The following LITAF variants were observed in gnomAD, a reference collection of about 807,000 sequenced individuals.
LITAF encodes the protein lipopolysaccharide induced TNF factor.
A neutral mutation model predicts 14.5 loss-of-function variants in LITAF; 9 were observed. The observed-to-expected ratio is 0.62, with a 90% CI of 0.37 to 1.08. LITAF has a LOEUF of 1.08. Among genes scored for constraint, LITAF ranks in the 50% least tolerant of loss-of-function variants. The probability of loss-of-function intolerance (pLI) is 0.01; values close to 1 mark genes in which losing one functional copy is unlikely to be tolerated. For missense variants in LITAF, 206 were observed against 213.4 expected, an observed-to-expected ratio of 0.97 and a Z score of 0.22; for synonymous variants, 98 against 88.2, an observed-to-expected ratio of 1.11 and a Z score of -0.62.
In LITAF at chr16:11,553,418, A is replaced by G; in HGVS notation, c.377+115T>C. ...AGAACCAGATTCCATCTCAAAAAAA[A>G]ACAACACAAATGTCTGGCCCTGAAT... On this transcript the variant is annotated intron_variant, in intron 3 of 3. Coordinates refer to ENST00000622633, the MANE Select transcript of LITAF (RefSeq NM_001136472.2). The surrounding 1 kb of genome is among the most constrained non-coding windows in gnomAD (Gnocchi z 7.7). The G allele has an allele frequency of 8.3e-7, 1 of 1,204,478 alleles. No homozygotes were observed. Among genetic ancestry groups the G allele is most frequent in the Non-Finnish European group, 1.2e-6 (1 of 845,642 alleles). 74.6% of individuals were successfully genotyped at this position (1,204,478 alleles called of 1,614,324 possible).
At chr16:11,588,521 G>GA (rs1213450078), upstream of LITAF, among the ~76,000 whole-genome samples, 432 of 81,974 alleles carry the variant, frequency 5.3e-3, 2 homozygotes, top group African/African-American at 0.019. Context: ...AAAAGAGAAA[G>GA]AAAAAAAAAA....
intron 1 of LITAF, among the ~76,000 whole-genome samples, chr16:11,597,512 G>A (rs2064897541): frequency 6.6e-6 from 1 of 152,142 alleles, no homozygotes; most frequent in Admixed American, 6.5e-5. Context: ...TACAGGCCCA[G>A]AGAGGTCAGG....
upstream of LITAF, chr16:11,587,069 C>G (rs1241650470): frequency 5.7e-6 from 1 of 174,454 alleles, no homozygotes; most frequent in Admixed American, 6.4e-5. Flanking sequence ...AGACCACCGC[C>G]GGTTCCCCGC....
chr16:11,599,256 T>G (rs773988557), upstream of LITAF, among the ~76,000 whole-genome samples: 1 of 151,938 alleles, frequency 6.6e-6, no homozygotes, highest in Non-Finnish European at 1.5e-5. Flanking sequence ...TAGCTGGGAT[T>G]ACAGGCATGC....
chr16:11,554,668 G>A (rs1396520073), intron 2 of LITAF, among the ~76,000 whole-genome samples: 1 of 151,452 alleles, frequency 6.6e-6, no homozygotes, highest in Non-Finnish European at 1.5e-5. Context: ...CGTGCCTGTA[G>A]TCCCAGCTAC....
chr16:11,602,193 C>G (rs1020287427), upstream of LITAF, among the ~76,000 whole-genome samples: 1 of 152,022 alleles, frequency 6.6e-6, no homozygotes, highest in Non-Finnish European at 1.5e-5. Context: ...CCTGTCTCTA[C>G]CAAAAATACA....
At chr16:11,637,034 A>G (rs368239281), upstream of LITAF, among the ~76,000 whole-genome samples, 56 of 152,072 alleles carry the variant, frequency 3.7e-4, no homozygotes, top group African/African-American at 1.3e-3. Context: ...CAGCGTGCTC[A>G]TCTGTAAAAG....
At position 11,613,658 on chromosome 16, in the gene LITAF, C is replaced by A. The variant is rs540756874; in HGVS notation, c.85+19875G>T. Among the ~76,000 whole-genome samples, 3 of 152,236 alleles carry A rather than the reference C, an allele frequency of 2.0e-5. No individual in the cohort carries two copies. The East Asian group carries it at 5.8e-4, about 29-fold the overall frequency. Reference sequence around the variant, plus strand: ...GAAGTGGCTCTTGTTGAAGGCTAAGCCAGAGTTAGGTGGGAGAGGAGCAGG... The same window carrying A: ...GAAGTGGCTCTTGTTGAAGGCTAAGACAGAGTTAGGTGGGAGAGGAGCAGG... On this transcript the variant is annotated intron_variant, in intron 3 of 3. Transcript: ENST00000574848.
chr16:11,593,354 CAAAAAAAAAAAA>C (rs57678584), intron 1 of LITAF, among the ~76,000 whole-genome samples: 5 of 54,752 alleles, frequency 9.1e-5, no homozygotes, highest in Non-Finnish European at 1.7e-4. Context: ...AACTCTGTCT[CAAAAAAAAAAAA>C]AAAAAAAAAA....
intron 3 of LITAF, among the ~76,000 whole-genome samples, chr16:11,608,989 A>AC (rs397762435): frequency 1.3e-5 from 2 of 150,732 alleles, no homozygotes; most frequent in African/African-American, 4.9e-5. Context: ...ACAAAAAAAA[A>AC]CGCACCGAGT....
chr16:11,589,506 G>C (rs2064835675), upstream of LITAF, among the ~76,000 whole-genome samples: 1 of 152,074 alleles, frequency 6.6e-6, no homozygotes, highest in Non-Finnish European at 1.5e-5. Context: ...CTATTCACAG[G>C]TGATATGATC....
At chr16:11,570,029 C>CAAAAAA (rs61431032) in intron 1 of LITAF, among the ~76,000 whole-genome samples, 4,018 of 122,558 alleles carry the variant, frequency 0.033, 197 homozygotes, top group African/African-American at 0.12. Context: ...GACTTTGCCT[C>CAAAAAA]AAAAAAAAAA....
intron 1 of LITAF, among the ~76,000 whole-genome samples, chr16:11,597,335 C>T (rs185028615): frequency 1.3e-3 from 201 of 152,232 alleles, no homozygotes; most frequent in Admixed American, 4.2e-3. Flanking sequence ...CATTCCACAA[C>T]CCACTGGGGG....
chr16:11,577,248 G>A (rs999779700), intron 1 of LITAF, among the ~76,000 whole-genome samples: 13 of 151,952 alleles, frequency 8.6e-5, no homozygotes, highest in African/African-American at 2.7e-4. Context: ...GAGGTCTCCT[G>A]TGCCCATATG....
chr16:11,607,925 C>A lies in LITAF; in HGVS notation c.85+25608G>T, dbSNP rs147352889. Among the ~76,000 whole-genome samples, 349 of 152,306 alleles carry A rather than the reference C, an allele frequency of 2.3e-3. 1 individual carries two copies. The highest frequency in any genetic ancestry group is 4.2e-3 in the Non-Finnish European group (284 of 68,030). ...CCAGATGACATCTCCAGATTTGTCT[C>A]CTAGGACCAAATTCCCTCCCAGTTA... On this transcript the variant is annotated intron_variant, in intron 3 of 3. Coordinates refer to the LITAF transcript ENST00000574848.
chr16:11,552,261 G>A (rs968071873), intron 3 of LITAF, among the ~76,000 whole-genome samples: 3 of 152,168 alleles, frequency 2.0e-5, no homozygotes, highest in Non-Finnish European at 1.5e-5. Flanking sequence ...CAGGTATAAG[G>A]AAGCTACTTT....
chr16:11,564,692 A>T (rs1412906734), intron 1 of LITAF, among the ~76,000 whole-genome samples: 3 of 152,122 alleles, frequency 2.0e-5, no homozygotes, highest in Admixed American at 6.6e-5. Flanking sequence ...AATGCAAAGG[A>T]AAAGATCAGA....
At chr16:11,628,999 G>C (rs1205836844) in intron 3 of LITAF, 6 of 151,460 alleles carry the variant, frequency 4.0e-5, no homozygotes, top group African/African-American at 1.5e-4. Flanking sequence ...TTAGAGACTG[G>C]CATCTCACTA....
chr16:11,588,874 T>C (rs80215414), upstream of LITAF, among the ~76,000 whole-genome samples: 2 of 145,498 alleles, frequency 1.4e-5, no homozygotes, highest in African/African-American at 2.6e-5. Context: ...CTTCCTTCCT[T>C]CCTCCCTTCC....
Sources: gnomAD v4.1 joint callset for allele counts (sites outside exome capture counted in the v4.1 genomes callset) on GRCh38, gnomAD v4.1.1 for gene constraint, Gnocchi (gnomAD v3.1) non-coding constraint, MANE v1.5 for transcripts, NCBI Gene and HGNC (gene_info 2026-07-23, HGNC 2026-07-21) for gene names.